PPM1H: variants seen among roughly 807,000 people sequenced by gnomAD.
PPM1H encodes protein phosphatase, Mg2+/Mn2+ dependent 1H.
A neutral mutation model predicts 54.9 loss-of-function variants in PPM1H; 27 were observed. The ratio of observed to expected loss-of-function variants is 0.49; its 90% CI spans 0.36 to 0.68. PPM1H has a LOEUF of 0.68. PPM1H is among the 30% of genes least tolerant of loss of function. PPM1H has a pLI of 0.00. For missense variants in PPM1H, 596 were observed against 667.8 expected, an observed-to-expected ratio of 0.89 and a Z score of 1.19; for synonymous variants, 305 against 270.8, an observed-to-expected ratio of 1.13 and a Z score of -1.24.
intron 1 of PPM1H, among the ~76,000 whole-genome samples, chr12:62,875,450 C>T (rs915192191): frequency 1.3e-5 from 2 of 151,982 alleles, no homozygotes; most frequent in African/African-American, 4.8e-5. Context: ...AAGAGGATGG[C>T]GAGGAAAGGT....
rs532704473 is a variant in PPM1H, at chr12:62,676,867, C to T, written c.1246-9538G>A. Among the ~76,000 whole-genome samples, 15 of 152,196 alleles carry T rather than the reference C, an allele frequency of 9.9e-5. No individual in the cohort carries two copies. The South Asian group carries it at 2.3e-3, about 23-fold the overall frequency. ...TCCTGGGGGGAAAGGGGCAGGTCCG[C>T]GGTAAAGCAGCATCTTCAAGCCAAG... On this transcript the variant is annotated intron_variant, in intron 8 of 9. Coordinates refer to ENST00000228705, the MANE Select transcript of PPM1H (RefSeq NM_020700.2).
chr12:62,701,332 A>C (rs142521833), intron 6 of PPM1H, among the ~76,000 whole-genome samples: 10 of 152,326 alleles, frequency 6.6e-5, no homozygotes, highest in Non-Finnish European at 1.0e-4. Context: ...TTCTCTATGA[A>C]CATCTGAATT....
chr12:62,676,222 C>CT (rs1417985950), intron 8 of PPM1H, among the ~76,000 whole-genome samples: 2 of 152,164 alleles, frequency 1.3e-5, no homozygotes, highest in Admixed American at 1.3e-4. Flanking sequence ...CCTGAGACTA[C>CT]AATATGGACG....
chr12:62,673,489 G>T (rs899238017), intron 8 of PPM1H, among the ~76,000 whole-genome samples: 1 of 152,056 alleles, frequency 6.6e-6, no homozygotes, highest in African/African-American at 2.4e-5. Flanking sequence ...TCTTCCATTT[G>T]CCAAATCTCT....
chr12:62,788,163 G>T, intron 4 of PPM1H, 63 bp downstream of exon 4: 1 of 1,095,394 alleles, frequency 9.1e-7, no homozygotes, highest in Non-Finnish European at 1.3e-6. Flanking sequence ...TAATTTTTGA[G>T]ACAAAATAAA....
chr12:62,656,292 TACTC>T (rs1007386765), intron 9 of PPM1H, among the ~76,000 whole-genome samples: 10 of 152,190 alleles, frequency 6.6e-5, no homozygotes, highest in South Asian at 2.1e-4. Context: ...CCTCTTTCCT[TACTC>T]AATAATAGTG....
intron 3 of PPM1H, chr12:62,788,593 T>A: frequency 2.7e-6 from 1 of 373,432 alleles, no homozygotes; most frequent in Non-Finnish European, 4.9e-6. Context: ...CAGACAAAAA[T>A]GCAAATAAAA....
At chr12:62,652,379 T>C (rs1290930661) in intron 9 of PPM1H, among the ~76,000 whole-genome samples, 1 of 148,008 alleles carries the variant, frequency 6.8e-6, no homozygotes, top group African/African-American at 2.5e-5. Context: ...GCCCAGCTAA[T>C]AAACTTTGCA....
At chr12:62,814,273 A>G (rs1475734174) in intron 2 of PPM1H, among the ~76,000 whole-genome samples, 1 of 151,998 alleles carries the variant, frequency 6.6e-6, no homozygotes, top group Non-Finnish European at 1.5e-5. Flanking sequence ...TGTAGAGATG[A>G]GTTCTCCTTA....
intron 1 of PPM1H, among the ~76,000 whole-genome samples, chr12:62,930,076 T>C (rs1489703969): frequency 1.3e-5 from 2 of 152,198 alleles, no homozygotes; most frequent in Non-Finnish European, 2.9e-5. Context: ...GCGGTTTTTG[T>C]GTCTTCACCA....
chr12:62,779,131 G>A (rs957885605), intron 4 of PPM1H, among the ~76,000 whole-genome samples: 4 of 151,918 alleles, frequency 2.6e-5, no homozygotes, highest in African/African-American at 7.3e-5. Flanking sequence ...TCCACCTCCC[G>A]AGTTCAAGCA....
intron 4 of PPM1H, among the ~76,000 whole-genome samples, chr12:62,785,739 G>A (rs1232087655): frequency 6.6e-6 from 1 of 152,060 alleles, no homozygotes; most frequent in East Asian, 1.9e-4. Flanking sequence ...TGAACTCTTG[G>A]GACTGGCAGA....
intron 1 of PPM1H, among the ~76,000 whole-genome samples, chr12:62,884,501 C>CAAAAAAAAAAAAA (rs6144736): frequency 2.2e-5 from 2 of 89,958 alleles, no homozygotes; most frequent in African/African-American, 7.9e-5. Flanking sequence ...AACTCCATAT[C>CAAAAAAAAAAAAA]AAAAAAAAAA....
At chr12:62,833,974 C>T (rs1868426135) in intron 1 of PPM1H, among the ~76,000 whole-genome samples, 1 of 152,066 alleles carries the variant, frequency 6.6e-6, no homozygotes, top group Non-Finnish European at 1.5e-5. Flanking sequence ...TCATATCAGT[C>T]ATCTATTTCC....
chr12:62,644,117 A>G lies in PPM1H; in HGVS notation c.*4372T>C, dbSNP rs1565741886. 6.6e-6 allele frequency: 1 copy of G among 152,172 alleles called. No homozygotes were observed. Among genetic ancestry groups the G allele is most frequent in the Non-Finnish European group, 1.5e-5 (1 of 68,032 alleles). The allele number at this position is 152,172 out of a possible 1,614,324, so 9.4% of individuals were successfully genotyped here. ...ACACACAAAATAGATCCCCTTTACT[A>G]AACAGTTTTCATTTTGGGGTTACAA... is the stretch of plus-strand genomic sequence containing the variant. On this transcript the variant is annotated 3_prime_UTR_variant, in exon 10 of 10. Transcript: ENST00000228705.
At position 62,725,851 on chromosome 12, in the gene PPM1H, G is replaced by A. The variant is rs111561178; in HGVS notation, c.955-5562C>T. Among the ~76,000 whole-genome samples the A allele has an allele frequency of 7.8e-4, 118 of 152,100 alleles. 1 individual carries two copies. The highest frequency in any genetic ancestry group is 2.7e-3 in the African/African-American group (112 of 41,492). ...AGATATGTTAAAAAAAAACAAAGAC[G>A]TGTCTTAGTTCTGAGGAAATACTGT... On this transcript the variant is annotated intron_variant, in intron 5 of 9. Coordinates refer to ENST00000228705, the MANE Select transcript of PPM1H (RefSeq NM_020700.2).
At chr12:62,821,523 G>T (rs1426592788) in intron 2 of PPM1H, among the ~76,000 whole-genome samples, 1 of 152,200 alleles carries the variant, frequency 6.6e-6, no homozygotes, top group Admixed American at 6.5e-5. Context: ...CAGCCAGAGA[G>T]AAAGGTCGGG....
chr12:62,899,327 T>A (rs1334233195), intron 1 of PPM1H, among the ~76,000 whole-genome samples: 1 of 151,780 alleles, frequency 6.6e-6, no homozygotes, highest in Non-Finnish European at 1.5e-5. Flanking sequence ...TACCAGACAC[T>A]TGGGAGGCCA....
chr12:62,754,394 C>T (rs537474478), intron 4 of PPM1H, among the ~76,000 whole-genome samples: 24 of 152,146 alleles, frequency 1.6e-4, no homozygotes, highest in Admixed American at 1.2e-3. Flanking sequence ...GATGAGACCC[C>T]GTCTCTAGCA....
Sources: allele counts gnomAD v4.1 joint callset (sites outside exome capture counted in the v4.1 genomes callset), GRCh38; gene constraint gnomAD v4.1.1; transcripts MANE v1.5; gene names NCBI Gene and HGNC (gene_info 2026-07-23, HGNC 2026-07-21).